Variants in SEMA3C observed in about 807,000 individuals in gnomAD.
SEMA3C encodes the protein semaphorin-3C.
SEMA3C carries 47 observed loss-of-function variants against 89.4 expected under a neutral mutation model. The observed-to-expected ratio is 0.53, with a 90% CI of 0.42 to 0.67. The LOEUF is 0.67. Among genes scored for constraint, SEMA3C ranks in the 30% least tolerant of loss-of-function variants. SEMA3C has a pLI of 0.00. For missense variants in SEMA3C, 839 were observed against 929.1 expected, an observed-to-expected ratio of 0.90 and a Z score of 1.26; for synonymous variants, 310 against 320.2, an observed-to-expected ratio of 0.97 and a Z score of 0.34.
intron 2 of SEMA3C, among the ~76,000 whole-genome samples, chr7:80,916,277 G>A (rs1401537629): frequency 6.6e-6 from 1 of 152,082 alleles, no homozygotes; most frequent in Non-Finnish European, 1.5e-5. Context: ...AAATTAATTG[G>A]GAGAATTTTT....
intron 2 of SEMA3C, among the ~76,000 whole-genome samples, chr7:80,880,020 C>A (rs954729656): frequency 6.6e-6 from 1 of 152,214 alleles, no homozygotes; most frequent in Non-Finnish European, 1.5e-5. Flanking sequence ...CTCACTCACT[C>A]TGCTGGCGTT....
intron 2 of SEMA3C, among the ~76,000 whole-genome samples, chr7:80,830,651 G>A (rs374941684): frequency 1.3e-5 from 2 of 152,212 alleles, no homozygotes; most frequent in African/African-American, 4.8e-5. Flanking sequence ...AAGAACAAAA[G>A]ACAGGTCATT....
Position 80,861,638 on chromosome 7 carries a change from G to C in SEMA3C, c.104-32893C>G, listed in dbSNP as rs570865175. 4.6e-5 allele frequency among the ~76,000 whole-genome samples: 7 copies of C among 152,274 alleles called. No homozygotes were observed. The South Asian group carries it at 1.2e-3, about 27-fold the overall frequency. On this transcript the variant is annotated intron_variant, in intron 2 of 17. Coordinates refer to ENST00000265361, the MANE Select transcript of SEMA3C (RefSeq NM_006379.5). ...AGACTGATCTCAAAGGTTATAGAAT[G>C]CAACTATGATTTAAATTGCAACATT...
At chr7:80,908,802 C>T (rs534507779) in intron 2 of SEMA3C, among the ~76,000 whole-genome samples, 4 of 152,196 alleles carry the variant, frequency 2.6e-5, no homozygotes, top group Admixed American at 2.6e-4. Flanking sequence ...AGCTTGCTTG[C>T]ACTAAAAGCT....
intron 2 of SEMA3C, among the ~76,000 whole-genome samples, chr7:80,831,979 G>A (rs990789869): frequency 2.6e-5 from 4 of 152,116 alleles, no homozygotes; most frequent in African/African-American, 4.8e-5. Context: ...TGTTCCACAA[G>A]AATGTAGAAT....
At chr7:80,826,342 T>C (rs983844103) in intron 4 of SEMA3C, among the ~76,000 whole-genome samples, 3 of 152,180 alleles carry the variant, frequency 2.0e-5, no homozygotes, top group Admixed American at 1.3e-4. Flanking sequence ...TTTTTAACAC[T>C]AAGGTGGTCT....
At chr7:80,745,399 G>A in intron 17 of SEMA3C, 92 bp from the exon 18 acceptor site, 1 of 1,300,070 alleles carries the variant, frequency 7.7e-7, no homozygotes, top group Admixed American at 2.3e-5. Context: ...AACTTTCACA[G>A]ATTTGGGAAA....
chr7:80,796,716 T>G (rs557534688), intron 11 of SEMA3C: 1 of 152,210 alleles, frequency 6.6e-6, no homozygotes, highest in Non-Finnish European at 1.5e-5. Context: ...GACCTAAAAA[T>G]TTAATCTTTT....
At chr7:80,847,723 G>A (rs1434825406) in intron 2 of SEMA3C, among the ~76,000 whole-genome samples, 1 of 152,154 alleles carries the variant, frequency 6.6e-6, no homozygotes, top group Non-Finnish European at 1.5e-5. Context: ...AGGGCTGACT[G>A]TGGCAACTGG....
intron 2 of SEMA3C, among the ~76,000 whole-genome samples, chr7:80,863,952 T>C (rs1790861305): frequency 1.4e-5 from 2 of 145,828 alleles, no homozygotes; most frequent in African/African-American, 2.6e-5. Context: ...AATATGTATA[T>C]CACATGTATA....
At chr7:80,870,827 A>G (rs572706060) in intron 2 of SEMA3C, among the ~76,000 whole-genome samples, 1 of 152,302 alleles carries the variant, frequency 6.6e-6, no homozygotes, top group African/African-American at 2.4e-5. Flanking sequence ...CTAGAGGTAG[A>G]GTTTAGACAC....
intron 2 of SEMA3C, among the ~76,000 whole-genome samples, chr7:80,913,484 C>T (rs1221850578): frequency 6.6e-6 from 1 of 152,174 alleles, no homozygotes; most frequent in Non-Finnish European, 1.5e-5. Context: ...TCAAAACTCA[C>T]ACTCAGTTTT....
intron 2 of SEMA3C, among the ~76,000 whole-genome samples, chr7:80,885,940 C>T (rs769672378): frequency 1.3e-5 from 2 of 152,166 alleles, no homozygotes; most frequent in African/African-American, 4.8e-5. Context: ...TTTATACAAA[C>T]CTGCTGTGCT....
chr7:80,865,615 C>A (rs983787917), intron 2 of SEMA3C, among the ~76,000 whole-genome samples: 2 of 152,038 alleles, frequency 1.3e-5, no homozygotes, highest in Non-Finnish European at 2.9e-5. Context: ...TGGCGAAACC[C>A]CGTCTCTACT....
At chr7:80,840,005 C>T (rs897592424) in intron 2 of SEMA3C, among the ~76,000 whole-genome samples, 3 of 152,026 alleles carry the variant, frequency 2.0e-5, no homozygotes, top group African/African-American at 7.2e-5. Flanking sequence ...TTAATTATAG[C>T]AAGAATAGGA....
chr7:80,777,053 G>A (rs1050437885), intron 12 of SEMA3C, among the ~76,000 whole-genome samples: 1 of 151,770 alleles, frequency 6.6e-6, no homozygotes, highest in Admixed American at 6.6e-5. Context: ...CTTACTAATC[G>A]CTAGGTTGTA....
intron 2 of SEMA3C, among the ~76,000 whole-genome samples, chr7:80,873,057 G>C (rs781363177): frequency 5.3e-5 from 8 of 152,018 alleles, no homozygotes; most frequent in Middle Eastern, 3.2e-3. Context: ...CTGGAAGAAG[G>C]GAACAAAGGG....
intron 12 of SEMA3C, among the ~76,000 whole-genome samples, chr7:80,766,314 T>A (rs1401324040): frequency 2.0e-5 from 3 of 152,164 alleles, no homozygotes; most frequent in African/African-American, 7.2e-5. Context: ...TTATCACATG[T>A]CATGTCTCTC....
chr7:80,870,513 C>T (rs1023670763), intron 2 of SEMA3C, among the ~76,000 whole-genome samples: 45 of 152,188 alleles, frequency 3.0e-4, no homozygotes, highest in African/African-American at 9.9e-4. Context: ...AAACTAGCCT[C>T]CTATGCTACC....
Sources: allele counts gnomAD v4.1 joint callset (sites outside exome capture counted in the v4.1 genomes callset), GRCh38; gene constraint gnomAD v4.1.1; transcripts MANE v1.5; gene names NCBI Gene and HGNC (gene_info 2026-07-23, HGNC 2026-07-21).